GATAD2B: variants seen among roughly 807,000 people sequenced by gnomAD.
GATAD2B encodes the protein transcriptional repressor p66-beta.
GATAD2B carries 8 observed loss-of-function variants against 64.3 expected under a neutral mutation model. That is an observed-to-expected ratio of 0.12 (90% CI 0.07 to 0.22). GATAD2B has a LOEUF of 0.22. Among genes scored for constraint, GATAD2B ranks in the 10% least tolerant of loss-of-function variants. The pLI is 1.00. For synonymous variants in GATAD2B, 281 were observed against 271.3 expected (o/e 1.04, Z -0.35); for missense variants, 453 against 752.0 (o/e 0.60, Z 4.65).
intron 1 of GATAD2B, among the ~76,000 whole-genome samples, chr1:153,829,610 G>A (rs750072725): frequency 6.6e-6 from 1 of 151,830 alleles, no homozygotes; most frequent in Non-Finnish European, 1.5e-5. Context: ...GGTGGCGGGC[G>A]CCTGTAATCC....
intron 1 of GATAD2B, among the ~76,000 whole-genome samples, chr1:153,842,420 TAGATA>T (rs1675529571): frequency 6.6e-6 from 1 of 152,206 alleles, no homozygotes; most frequent in African/African-American, 2.4e-5. Context: ...GACAAAACAT[TAGATA>T]AATCTGAAGC....
intron 1 of GATAD2B, 50 bp from the exon 2 acceptor site, chr1:153,828,398 T>C (rs1222020444): frequency 7.1e-7 from 1 of 1,405,892 alleles, no homozygotes. Flanking sequence ...CCTTAAATAG[T>C]CCATTTTTAA....
chr1:153,851,115 C>T (rs1291067521), intron 1 of GATAD2B, among the ~76,000 whole-genome samples: 2 of 151,980 alleles, frequency 1.3e-5, no homozygotes, highest in South Asian at 2.1e-4. Context: ...AATTTCTCCT[C>T]CCCCTCAGCC....
chr1:153,822,853 C>A (rs1279211568), intron 2 of GATAD2B, among the ~76,000 whole-genome samples: 1 of 152,020 alleles, frequency 6.6e-6, no homozygotes, highest in Non-Finnish European at 1.5e-5. Context: ...CACTCTGTCA[C>A]CCAGGAAGGA....
At chr1:153,831,714 G>A (rs1675081497) in intron 1 of GATAD2B, among the ~76,000 whole-genome samples, 1 of 152,086 alleles carries the variant, frequency 6.6e-6, no homozygotes, top group Non-Finnish European at 1.5e-5. Context: ...GAGTGCTATA[G>A]ACCACTACCC....
chr1:153,901,225 A>C (rs1273661900), intron 1 of GATAD2B, among the ~76,000 whole-genome samples: 1 of 151,890 alleles, frequency 6.6e-6, no homozygotes. Context: ...AAAAAAAAAA[A>C]AAATTTATAT....
At chr1:153,836,984 T>C (rs895003239) in intron 1 of GATAD2B, among the ~76,000 whole-genome samples, 1 of 152,232 alleles carries the variant, frequency 6.6e-6, no homozygotes, top group African/African-American at 2.4e-5. Context: ...TCTTTCCTAA[T>C]AGATAGCTTG....
chr1:153,844,913 A>T (rs984466696), intron 1 of GATAD2B, among the ~76,000 whole-genome samples: 8 of 139,510 alleles, frequency 5.7e-5, no homozygotes, highest in South Asian at 2.2e-4. Context: ...AAAGTATAAT[A>T]AAAAAAAAAA....
chr1:153,871,353 C>T lies in GATAD2B; in HGVS notation c.-1-43005G>A, dbSNP rs1464139388. ...GTGCTGGGATTACAGGCGTGAGCGA[C>T]CACACCCGGCCACTTGTTTTTTTGT... On this transcript the variant is annotated intron_variant, in intron 1 of 10. Coordinates refer to ENST00000368655, the MANE Select transcript of GATAD2B (RefSeq NM_020699.4). Among the ~76,000 whole-genome samples, 3 of 152,044 alleles carry T rather than the reference C, an allele frequency of 2.0e-5. No homozygotes were observed. In the East Asian group the frequency reaches 5.8e-4, roughly 29 times the overall value.
chr1:153,822,777 A>G (rs930047005), intron 2 of GATAD2B, among the ~76,000 whole-genome samples: 26 of 152,090 alleles, frequency 1.7e-4, no homozygotes, highest in African/African-American at 6.0e-4. Flanking sequence ...GATTACAGGC[A>G]TGAGCCACCG....
At chr1:153,847,814 A>G (rs1422849265) in intron 1 of GATAD2B, among the ~76,000 whole-genome samples, 1 of 152,034 alleles carries the variant, frequency 6.6e-6, no homozygotes, top group Non-Finnish European at 1.5e-5. Context: ...CATTTTTAAT[A>G]TATCTATGCT....
intron 1 of GATAD2B, among the ~76,000 whole-genome samples, chr1:153,836,654 C>G (rs1675280667): frequency 6.6e-6 from 1 of 152,058 alleles, no homozygotes; most frequent in Non-Finnish European, 1.5e-5. Context: ...TCTACTCCAG[C>G]CTGGGTGACA....
At chr1:153,855,681 A>G (rs527853074) in intron 1 of GATAD2B, among the ~76,000 whole-genome samples, 28 of 151,698 alleles carry the variant, frequency 1.8e-4, no homozygotes, top group African/African-American at 3.9e-4. Flanking sequence ...CTTATTTTAT[A>G]TATTTTTTTT....
chr1:153,854,475 C>A (rs116652372), intron 1 of GATAD2B, among the ~76,000 whole-genome samples: 1 of 152,148 alleles, frequency 6.6e-6, no homozygotes, highest in Non-Finnish European at 1.5e-5. Context: ...CCCAGAAATA[C>A]CACAGCATTA....
At chr1:153,815,262 G>A (rs1451890855) in intron 7 of GATAD2B, among the ~76,000 whole-genome samples, 1 of 110,930 alleles carries the variant, frequency 9.0e-6, no homozygotes, top group African/African-American at 3.5e-5. Flanking sequence ...AACAGGGTCA[G>A]ACCCTGTCTC....
At position 153,807,308 on chromosome 1, in the gene GATAD2B, A is replaced by G. The variant is rs1434760550; in HGVS notation, c.*2869T>C. ...CAGAGCCTGGAGATGGATAGTAACAAGTAGACTTGGAGGGACACAAGGCAA... is the reference window on the plus strand; with the variant it reads ...CAGAGCCTGGAGATGGATAGTAACAGGTAGACTTGGAGGGACACAAGGCAA... On this transcript the variant is annotated 3_prime_UTR_variant, in exon 11 of 11. Transcript: ENST00000368655. 1 of 152,206 alleles carries G rather than the reference A, an allele frequency of 6.6e-6. No homozygotes were observed. The highest frequency in any genetic ancestry group is 1.5e-5 in the Non-Finnish European group (1 of 68,040). The allele number at this position is 152,206 out of a possible 1,614,324, so 9.4% of individuals were successfully genotyped here. A position where few individuals can be genotyped will look rare whatever the true frequency, so the allele number is the denominator to read the frequency against.
chr1:153,864,309 C>T (rs1054867664), intron 1 of GATAD2B, among the ~76,000 whole-genome samples: 2 of 152,144 alleles, frequency 1.3e-5, no homozygotes, highest in Admixed American at 6.5e-5. Context: ...TGCTGATTAT[C>T]GGAATGGTGA....
At chr1:153,825,553 A>G (rs1195813879) in intron 2 of GATAD2B, among the ~76,000 whole-genome samples, 1 of 152,048 alleles carries the variant, frequency 6.6e-6, no homozygotes, top group African/African-American at 2.4e-5. Flanking sequence ...CCTCTCAAGT[A>G]GCTAGGAACA....
At chr1:153,863,016 G>A (rs909213922) in intron 1 of GATAD2B, among the ~76,000 whole-genome samples, 2 of 152,078 alleles carry the variant, frequency 1.3e-5, no homozygotes, top group East Asian at 1.9e-4. Context: ...GAGGCACTGC[G>A]CCTGGCATAC....
Sources: allele counts gnomAD v4.1 joint callset (sites outside exome capture counted in the v4.1 genomes callset), GRCh38; gene constraint gnomAD v4.1.1; transcripts MANE v1.5; gene names NCBI Gene and HGNC (gene_info 2026-07-23, HGNC 2026-07-21).